Variants in FNDC1 observed in about 807,000 individuals in gnomAD.
The protein encoded by FNDC1 is fibronectin type III domain-containing protein 1.
A neutral mutation model predicts 168.0 loss-of-function variants in FNDC1; 96 were observed. The observed-to-expected ratio is 0.57, with a 90% CI of 0.48 to 0.68. The LOEUF (loss-of-function observed/expected upper bound fraction) is 0.68. Ranked by LOEUF, FNDC1 falls within the 30% of genes least tolerant of loss-of-function variation. The pLI is 0.00. For missense variants in FNDC1, 2,587 were observed against 2,482.1 expected, an observed-to-expected ratio of 1.04 and a Z score of -0.90; for synonymous variants, 1,099 against 1,025.9, an observed-to-expected ratio of 1.07 and a Z score of -1.36.
chr6:159,205,828 T>C (rs1422974170), intron 4 of FNDC1, among the ~76,000 whole-genome samples: 2 of 152,246 alleles, frequency 1.3e-5, no homozygotes, highest in African/African-American at 4.8e-5. Flanking sequence ...TTTACCCTAC[T>C]TTGAATGTTT....
intron 4 of FNDC1, among the ~76,000 whole-genome samples, chr6:159,207,798 C>T (rs967348929): frequency 2.6e-5 from 4 of 152,148 alleles, no homozygotes; most frequent in African/African-American, 9.7e-5. Context: ...CCATTCTATT[C>T]CCAAAGGAAA....
chr6:159,255,225 C>G (rs1777348729), intron 17 of FNDC1, among the ~76,000 whole-genome samples: 1 of 152,240 alleles, frequency 6.6e-6, no homozygotes, highest in Admixed American at 6.5e-5. Context: ...CTCATGCCAC[C>G]CATTCCTGCC....
chr6:159,224,642 A>G (rs1260877617), intron 7 of FNDC1, among the ~76,000 whole-genome samples: 1 of 152,160 alleles, frequency 6.6e-6, no homozygotes, highest in Non-Finnish European at 1.5e-5. Flanking sequence ...TCCTTTTACC[A>G]TTGGACTTTG....
intron 1 of FNDC1, among the ~76,000 whole-genome samples, chr6:159,184,919 A>G (rs868406076): frequency 6.6e-6 from 1 of 152,128 alleles, no homozygotes; most frequent in East Asian, 1.9e-4. Flanking sequence ...TTGCCTGCCA[A>G]TGGAAGGCAT....
chr6:159,256,497 T>C (rs1172276513), intron 17 of FNDC1, 26 bp from the exon 18 acceptor site: 1 of 1,553,734 alleles, frequency 6.4e-7, no homozygotes, highest in Non-Finnish European at 8.9e-7. Flanking sequence ...TGGTGTCCAT[T>C]GGGTTTTTCC....
intron 3 of FNDC1, 108 bp downstream of exon 3, chr6:159,200,190 T>C: frequency 1.1e-6 from 1 of 913,844 alleles, no homozygotes; most frequent in Non-Finnish European, 1.7e-6. Flanking sequence ...TAAATAATTT[T>C]TGAACAAGAA....
At chr6:159,214,808 G>C (rs1337478122) in intron 4 of FNDC1, 137 bp from the exon 5 acceptor site, 1 of 697,900 alleles carries the variant, frequency 1.4e-6, no homozygotes, top group African/African-American at 1.8e-5. Context: ...GTCCTTACTA[G>C]AATTAGTTAC....
chr6:159,213,137 G>A (rs146842619), intron 4 of FNDC1, among the ~76,000 whole-genome samples: 10 of 152,374 alleles, frequency 6.6e-5, no homozygotes, highest in African/African-American at 2.2e-4. Context: ...CCCCAAAGCT[G>A]TTCAGTGGGC....
chr6:159,172,994 C>A (rs1007504998), intron 1 of FNDC1, among the ~76,000 whole-genome samples: 10 of 152,172 alleles, frequency 6.6e-5, no homozygotes, highest in African/African-American at 2.2e-4. Context: ...AGTTACTTTT[C>A]ATATAAATAT....
Position 159,271,427 on chromosome 6 carries a change from C to T in FNDC1, c.5670C>T (p.Ile1890=). The change falls in exon 23 of 23, where the codon ATC becomes ATT. Residue 1890 remains isoleucine (I), a synonymous_variant. Transcript: ENST00000297267. ...GCTGGTACGAGTGTGGGGTCTCCAT[C>T]CCTGGAAAGTGGTAATCACAGGACC... The part of the protein sequence containing the change: ...YVGWYECGVS[I]PGKW 4 of 1,609,100 alleles carry T rather than the reference C, an allele frequency of 2.5e-6. No individual in the cohort carries two copies. The highest frequency in any genetic ancestry group is 3.4e-6 in the Non-Finnish European group (4 of 1,177,718).
chr6:159,172,335 T>C (rs1235442019), intron 1 of FNDC1, among the ~76,000 whole-genome samples: 1 of 152,238 alleles, frequency 6.6e-6, no homozygotes, highest in African/African-American at 2.4e-5. Flanking sequence ...CTATTCTGAC[T>C]TGGGTATTTG....
chr6:159,171,653 C>T (rs2114911145), intron 1 of FNDC1, among the ~76,000 whole-genome samples: 1 of 152,268 alleles, frequency 6.6e-6, no homozygotes, highest in South Asian at 2.1e-4. Flanking sequence ...AAACATAAAA[C>T]AAAATAAGCA....
At chr6:159,181,428 A>C (rs548793577) in intron 1 of FNDC1, among the ~76,000 whole-genome samples, 12 of 152,240 alleles carry the variant, frequency 7.9e-5, no homozygotes, top group Non-Finnish European at 1.3e-4. Flanking sequence ...TAGATTAAAT[A>C]ATAAGTAATT....
At position 159,231,351 on chromosome 6, in the gene FNDC1, C is replaced by T. The variant is rs572789731; in HGVS notation, c.1370-531C>T. On this transcript the variant is annotated intron_variant, in intron 10 of 22. Transcript: ENST00000297267. ...GATTGCGCCACTGCAGTCCGCAGTCCGGCCTGGGCGACAGAGCGAGACTCC... is the reference window on the plus strand; with the variant it reads ...GATTGCGCCACTGCAGTCCGCAGTCTGGCCTGGGCGACAGAGCGAGACTCC... Among the ~76,000 whole-genome samples, 38 of 28,584 alleles carry T rather than the reference C, an allele frequency of 1.3e-3. 7 individuals carry two copies. Among genetic ancestry groups the T allele is most frequent in the Admixed American group, 2.7e-3 (4 of 1,500 alleles). 18.8% of individuals were successfully genotyped at this position (28,584 alleles called of 152,430 possible).
Position 159,197,697 on chromosome 6 carries a change from A to G in FNDC1, c.304+72A>G, listed in dbSNP as rs555850547. On this transcript the variant is annotated intron_variant, in intron 2 of 22. Transcript: ENST00000297267. ...CAACATTCTCAGTTGCATTCTTAGG[A>G]TGACTGTGAGACAACCCATGGCTGG... 8 of 1,403,376 alleles carry G rather than the reference A, an allele frequency of 5.7e-6. No individual in the cohort carries two copies. The East Asian group carries it at 1.6e-4, about 29-fold the overall frequency. The allele number at this position is 1,403,376 out of a possible 1,614,324, so 86.9% of individuals were successfully genotyped here. A position where few individuals can be genotyped will look rare whatever the true frequency, so the allele number is the denominator to read the frequency against.
chr6:159,226,886 T>A (rs528483430), intron 9 of FNDC1, among the ~76,000 whole-genome samples: 41 of 152,246 alleles, frequency 2.7e-4, no homozygotes, highest in Non-Finnish European at 4.0e-4. Context: ...TTCCATGCTA[T>A]GGGTCTTTTC....
chr6:159,237,763 A>C (rs575746641), intron 12 of FNDC1, among the ~76,000 whole-genome samples: 1 of 152,346 alleles, frequency 6.6e-6, no homozygotes, highest in South Asian at 2.1e-4. Context: ...TTTGCGGTAT[A>C]ACCTTCCATA....
chr6:159,233,421 G>A lies in FNDC1; in HGVS notation c.2909G>A (p.Gly970Glu). 1 of 1,612,222 alleles carries A rather than the reference G, an allele frequency of 6.2e-7. No homozygotes were observed. Among genetic ancestry groups the A allele is most frequent in the Non-Finnish European group, 8.5e-7 (1 of 1,179,594 alleles). ...GGTCATTCTCCCAAAGCACAGCCAG[G>A]GTCCACAGACCGCCACGCGTCCCCT... ...TEGHSPKAQP[G>E]STDRHASPAR... is the part of the protein sequence containing the mutation. Residue 970 changes from glycine (G) to glutamate (E), a missense_variant, in exon 11 of 23, where the codon GGG becomes GAG. By Grantham distance (98) the Gly-to-Glu change is moderately conservative (BLOSUM62 -2). Transcript: ENST00000297267. This position sits in a 1 kb window ranked among gnomAD's most constrained non-coding sequence, Gnocchi z 4.6.
intron 14 of FNDC1, among the ~76,000 whole-genome samples, chr6:159,241,664 A>G (rs1469335824): frequency 1.3e-5 from 2 of 152,238 alleles, no homozygotes; most frequent in African/African-American, 4.8e-5. Context: ...AAAGACTTCC[A>G]TATGCCCTTT....
Sources: allele counts gnomAD v4.1 joint callset (sites outside exome capture counted in the v4.1 genomes callset), GRCh38; gene constraint gnomAD v4.1.1; non-coding constraint Gnocchi (gnomAD v3.1); transcripts MANE v1.5; gene names NCBI Gene and HGNC (gene_info 2026-07-23, HGNC 2026-07-21).